NCKAP1: variants seen among roughly 807,000 people sequenced by gnomAD.
The protein encoded by NCKAP1 is nck-associated protein 1.
A neutral mutation model predicts 151.2 loss-of-function variants in NCKAP1; 21 were observed. That is an observed-to-expected ratio of 0.14 (90% CI 0.10 to 0.20). The LOEUF (loss-of-function observed/expected upper bound fraction) is 0.20, where lower values mean the gene tolerates loss of function less well. Ranked by LOEUF, NCKAP1 falls within the 10% of genes least tolerant of loss-of-function variation. NCKAP1 has a pLI of 1.00. For synonymous variants in NCKAP1, 484 were observed against 451.8 expected (o/e 1.07, Z -0.90); for missense variants, 933 against 1,352.1 (o/e 0.69, Z 4.86).
chr2:182,969,086 T>C (rs1375608113), intron 15 of NCKAP1, among the ~76,000 whole-genome samples: 1 of 152,214 alleles, frequency 6.6e-6, no homozygotes, highest in Non-Finnish European at 1.5e-5. Context: ...AGGAATTAGC[T>C]ATAGCTGTGG....
chr2:182,963,307 TCTG>T (rs1328148678), intron 17 of NCKAP1, among the ~76,000 whole-genome samples: 2 of 152,128 alleles, frequency 1.3e-5, no homozygotes, highest in African/African-American at 4.8e-5. Flanking sequence ...ACATAAATCT[TCTG>T]CTATTAATTC....
At chr2:182,966,566 G>A (rs191507660) in intron 16 of NCKAP1, among the ~76,000 whole-genome samples, 3 of 152,164 alleles carry the variant, frequency 2.0e-5, no homozygotes, top group Non-Finnish European at 4.4e-5. Flanking sequence ...GATTATAGGC[G>A]TGAGCCACCG....
At chr2:182,963,161 T>C (rs1697492713) in intron 17 of NCKAP1, among the ~76,000 whole-genome samples, 1 of 152,014 alleles carries the variant, frequency 6.6e-6, no homozygotes, top group South Asian at 2.1e-4. Flanking sequence ...TTATTTAAAA[T>C]GCCCTGTAAA....
At chr2:182,962,601 A>T (rs1697479021) in intron 17 of NCKAP1, among the ~76,000 whole-genome samples, 1 of 152,160 alleles carries the variant, frequency 6.6e-6, no homozygotes, top group Admixed American at 6.6e-5. Flanking sequence ...TAAATGTTAA[A>T]ATATTAAACA....
chr2:182,999,409 T>C (rs1698335583), intron 6 of NCKAP1, among the ~76,000 whole-genome samples: 1 of 149,152 alleles, frequency 6.7e-6, no homozygotes. Flanking sequence ...ACATCACTAA[T>C]CATCAGAGAG....
chr2:183,031,041 C>A (rs1698995333), intron 1 of NCKAP1, among the ~76,000 whole-genome samples: 1 of 152,162 alleles, frequency 6.6e-6, no homozygotes, highest in Non-Finnish European at 1.5e-5. Flanking sequence ...ACAAAGTATA[C>A]TGAAATTATT....
chr2:182,919,015 G>C lies in NCKAP1; in HGVS notation c.*6687C>G, dbSNP rs1186096170. 4 of 152,134 alleles carry C rather than the reference G, an allele frequency of 2.6e-5. No individual in the cohort carries two copies. The East Asian group carries it at 7.7e-4, about 29-fold the overall frequency. 9.4% of individuals were successfully genotyped at this position (152,134 alleles called of 1,614,324 possible). A position where few individuals can be genotyped will look rare whatever the true frequency, so the allele number is the denominator to read the frequency against. On this transcript the variant is annotated 3_prime_UTR_variant, in exon 31 of 31. Transcript: ENST00000361354. ...ATTGCTTTGTCTTTCCTGAGCTTCA[G>C]TTTCCATATCAATAAATGGGGGTCA... is the stretch of plus-strand genomic sequence containing the variant.
rs75919462 is a variant in NCKAP1, at chr2:183,003,977, CA to C, written c.220-653del. 3.3e-5 allele frequency among the ~76,000 whole-genome samples: 5 copies of C among 152,048 alleles called. No homozygotes were observed. The East Asian group carries it at 9.6e-4, about 29-fold the overall frequency. On this transcript the variant is annotated intron_variant, in intron 2 of 30. Coordinates refer to ENST00000361354, the MANE Select transcript of NCKAP1 (RefSeq NM_013436.5). ...TGTATAATTAAATTTACAAAAGTCC[CA>C]ATTTTTCTTTTAAAATCAACTATTG...
At chr2:183,026,724 T>C (rs1206990250) in intron 1 of NCKAP1, among the ~76,000 whole-genome samples, 2 of 152,288 alleles carry the variant, frequency 1.3e-5, no homozygotes, top group South Asian at 2.1e-4. Flanking sequence ...CTAACCTATG[T>C]TTCTTCGTCT....
chr2:183,037,148 T>A (rs2105904745), intron 1 of NCKAP1, among the ~76,000 whole-genome samples: 5 of 152,366 alleles, frequency 3.3e-5, no homozygotes, highest in African/African-American at 1.2e-4. Flanking sequence ...ACTGAGGACA[T>A]GTAAAAGCCT....
intron 2 of NCKAP1, among the ~76,000 whole-genome samples, chr2:183,009,061 G>A (rs1698536144): frequency 6.6e-6 from 1 of 152,050 alleles, no homozygotes; most frequent in Admixed American, 6.6e-5. Context: ...TGAGGAAACT[G>A]TAGTAAATAT....
intron 26 of NCKAP1, 50 bp from the exon 27 acceptor site, chr2:182,930,838 T>G: frequency 6.7e-7 from 1 of 1,501,578 alleles, no homozygotes; most frequent in Non-Finnish European, 9.2e-7. Flanking sequence ...AACAAATTTC[T>G]GAGAAAGCTC....
chr2:182,988,983 C>T (rs768240629), intron 9 of NCKAP1, 47 bp downstream of exon 9: 1 of 1,544,778 alleles, frequency 6.5e-7, no homozygotes, highest in East Asian at 2.2e-5. Flanking sequence ...AGATAACTCA[C>T]TCACCACCCT....
intron 18 of NCKAP1, 105 bp downstream of exon 18, chr2:182,962,054 A>G: frequency 8.5e-7 from 1 of 1,173,284 alleles, no homozygotes. Context: ...GTTTACTAAT[A>G]GTGTGGGAAC....
chr2:182,968,685 T>A (rs995999317), intron 15 of NCKAP1, among the ~76,000 whole-genome samples: 1 of 152,198 alleles, frequency 6.6e-6, no homozygotes, highest in Non-Finnish European at 1.5e-5. Context: ...CTTAGGGAAA[T>A]AGCAGAAATA....
rs117982228 is a variant in NCKAP1, at chr2:182,972,556, T to G, written c.1482+4337A>C. Among the ~76,000 whole-genome samples the G allele has an allele frequency of 6.2e-4, 94 of 152,306 alleles. No homozygotes were observed. In the East Asian group the frequency reaches 0.012, roughly 20 times the overall value. ...TTGAAAATAGATCCAGCAATCACAC[T>G]GCTGGGTATATATCCAAAAGAGAGG... On this transcript the variant is annotated intron_variant, in intron 15 of 30. Coordinates refer to ENST00000361354, the MANE Select transcript of NCKAP1 (RefSeq NM_013436.5).
At position 182,952,769 on chromosome 2, in the gene NCKAP1, AAACTGT is replaced by A; in HGVS notation, c.2503+18_2503+23del. On this transcript the variant is annotated intron_variant, in intron 22 of 30. Coordinates refer to ENST00000361354, the MANE Select transcript of NCKAP1 (RefSeq NM_013436.5). ...AAGAATTAAGTGTTCTTCATTCTCT[AAACTGT>A]GGTATAGTACTATTCACCTGATATG... is the stretch of plus-strand genomic sequence containing the variant. 1.7e-5 allele frequency: 26 copies of A among 1,555,306 alleles called. No homozygotes were observed. Among genetic ancestry groups the A allele is most frequent in the Non-Finnish European group, 2.3e-5 (26 of 1,153,456 alleles).
At chr2:183,006,214 C>A (rs11885833) in intron 2 of NCKAP1, among the ~76,000 whole-genome samples, 8,309 of 152,176 alleles carry the variant, frequency 0.055, 766 homozygotes, top group African/African-American at 0.19. Context: ...TATTATGCAA[C>A]CATGGTTAAA....
intron 23 of NCKAP1, 142 bp downstream of exon 23, chr2:182,952,263 G>T: frequency 1.8e-6 from 1 of 546,662 alleles, no homozygotes; most frequent in Non-Finnish European, 3.1e-6. Context: ...AAAAGGCCTT[G>T]CTAGCTATTT....
Sources: gnomAD v4.1 joint callset for allele counts (sites outside exome capture counted in the v4.1 genomes callset) on GRCh38, gnomAD v4.1.1 for gene constraint, MANE v1.5 for transcripts, NCBI Gene and HGNC (gene_info 2026-07-23, HGNC 2026-07-21) for gene names.